HELB: variants seen among roughly 807,000 people sequenced by gnomAD.
HELB encodes DNA helicase B, also known as DNA 5'-3' helicase B.
Under a neutral mutation model 101.7 loss-of-function variants are expected in HELB, and 96 were observed. That is an observed-to-expected ratio of 0.94 (90% confidence interval 0.80 to 1.12). The LOEUF is 1.12. HELB is among the 50% of genes most tolerant of loss of function. HELB has a pLI of 0.00. For missense variants in HELB, 1,210 were observed against 1,291.9 expected (o/e 0.94, Z 0.97); for synonymous variants, 437 against 459.7 (o/e 0.95, Z 0.63).
At chr12:66,337,767 TA>T (rs1256911900) in intron 12 of HELB, among the ~76,000 whole-genome samples, 2 of 152,194 alleles carry the variant, frequency 1.3e-5, no homozygotes, top group African/African-American at 4.8e-5. Flanking sequence ...ACTAATTCAG[TA>T]CATAGTTACT....
chr12:66,302,879 C>G (rs945495192), intron 1 of HELB, 89 bp downstream of exon 1: 67 of 1,162,216 alleles, frequency 5.8e-5, no homozygotes, highest in Non-Finnish European at 7.4e-5. Flanking sequence ...GGCACCCAGT[C>G]GTGCTAACAG....
intron 11 of HELB, among the ~76,000 whole-genome samples, chr12:66,327,135 G>C (rs1223668598): frequency 1.4e-5 from 2 of 146,618 alleles, no homozygotes; most frequent in Non-Finnish European, 3.0e-5. Flanking sequence ...AATGGTTCTT[G>C]CCAGGGGTGG....
intron 8 of HELB, 50 bp downstream of exon 8, chr12:66,322,079 A>C: frequency 9.9e-6 from 7 of 708,218 alleles, no homozygotes; most frequent in Non-Finnish European, 1.7e-5. Flanking sequence ...TTTAAATCTC[A>C]TAACTTATTA....
At chr12:66,313,339 G>T (rs937784207) in intron 4 of HELB, among the ~76,000 whole-genome samples, 2 of 152,126 alleles carry the variant, frequency 1.3e-5, no homozygotes, top group African/African-American at 4.8e-5. Context: ...TTTGGATTTT[G>T]AATTTGCAGA....
At chr12:66,305,482 C>T (rs1327737134) in intron 2 of HELB, among the ~76,000 whole-genome samples, 2 of 152,186 alleles carry the variant, frequency 1.3e-5, no homozygotes, top group African/African-American at 4.8e-5. Context: ...TAGCTGCTCA[C>T]GTCTGTAATC....
intron 12 of HELB, among the ~76,000 whole-genome samples, chr12:66,335,563 C>T (rs567810009): frequency 9.2e-5 from 14 of 152,200 alleles, no homozygotes; most frequent in African/African-American, 2.4e-4. Flanking sequence ...GACTTGTGGT[C>T]AAGGAAAACT....
chr12:66,310,824 G>A (rs889418599), intron 4 of HELB, among the ~76,000 whole-genome samples: 2 of 152,000 alleles, frequency 1.3e-5, no homozygotes, highest in African/African-American at 2.4e-5. Flanking sequence ...CCAGCTACTC[G>A]GGAGGCTGAG....
chr12:66,315,009 A>G, intron 5 of HELB, among the ~76,000 whole-genome samples: 1 of 151,276 alleles, frequency 6.6e-6, no homozygotes, highest in East Asian at 1.9e-4. Flanking sequence ...TTTTTCCCCT[A>G]ATATGTTGAC....
In HELB at chr12:66,331,348, C is replaced by T. The variant is rs1179612908; in HGVS notation, c.2865C>T (p.Leu955=). Residue 955 remains leucine (L), a synonymous_variant, in exon 12 of 13, where the codon CTC becomes CTT. Transcript: ENST00000247815. The part of the protein sequence containing the change: ...TRLKHFLQSK[L]SSSGAPPADF... The stretch of plus-strand genomic sequence containing the variant: ...TGAAACATTTCTTGCAAAGTAAGCT[C>T]TCCTCTAGCGGCGCACCTCCAGCAG... The T allele has an allele frequency of 6.2e-7, 1 of 1,614,204 alleles. No individual in the cohort carries two copies. Among genetic ancestry groups the T allele is most frequent in the Non-Finnish European group, 8.5e-7 (1 of 1,180,036 alleles).
intron 5 of HELB, among the ~76,000 whole-genome samples, chr12:66,315,007 CT>C (rs2053587282): frequency 6.6e-6 from 1 of 150,992 alleles, no homozygotes; most frequent in Non-Finnish European, 1.5e-5. Context: ...TTTTTTTCCC[CT>C]AATATGTTGA....
rs765546598 is a variant in HELB at position 66,310,034 on chromosome 12, A to G, written c.1106A>G (p.Asp369Gly). Residue 369 changes from aspartate to glycine, a missense_variant, in exon 4 of 13, where the codon GAC becomes GGC. Physicochemically the swap from Asp to Gly is moderately conservative, Grantham distance 94. This residue lies in a region of HELB where 470 missense variants were observed against 563.1 expected (regional missense o/e 0.83). Coordinates refer to ENST00000247815, the MANE Select transcript of HELB (RefSeq NM_001370285.1). ...AERAIAFSIC[D>G]LMKKPPWHLC... The stretch of plus-strand genomic sequence containing the variant: ...AGAGCCATCGCCTTTTCAATTTGTG[A>G]CCTGATGAAGAAACCTCCTTGGCAT... The G allele has an allele frequency of 1.9e-6, 3 of 1,614,124 alleles. No individual in the cohort carries two copies. The highest frequency in any genetic ancestry group is 1.7e-6 in the Non-Finnish European group (2 of 1,180,022).
chr12:66,312,779 T>G (rs1186027), intron 4 of HELB, among the ~76,000 whole-genome samples: 151,422 of 152,326 alleles, frequency 0.99, 75,270 homozygotes, highest in Middle Eastern at 1. Context: ...GCCAGATTTA[T>G]CAGATAAAAA....
chr12:66,326,729 T>C (rs1293484473), intron 11 of HELB, among the ~76,000 whole-genome samples: 2 of 151,812 alleles, frequency 1.3e-5, no homozygotes, highest in Non-Finnish European at 2.9e-5. Context: ...AGCTGATTTT[T>C]TTTTTTTAAA....
intron 2 of HELB, among the ~76,000 whole-genome samples, chr12:66,305,925 A>G (rs987698857): frequency 7.9e-5 from 12 of 152,188 alleles, no homozygotes; most frequent in Non-Finnish European, 1.6e-4. Flanking sequence ...AATTGTATCA[A>G]ATAAATTTGA....
At position 66,331,250 on chromosome 12, in the gene HELB, G is replaced by A. The variant is rs753133796; in HGVS notation, c.2767G>A (p.Val923Met). The A allele has an allele frequency of 6.8e-6, 11 of 1,614,242 alleles. No homozygotes were observed. In the East Asian group the frequency reaches 2.2e-4, roughly 33 times the overall value. Residue 923 changes from valine (V) to methionine (M), a missense_variant, in exon 12 of 13, where the codon GTG becomes ATG. Physicochemically the swap from Val to Met is conservative, Grantham distance 21. Transcript: ENST00000247815. ...YTAVTRGRCR[V>M]YVIAEESQLR... ...CGCCGTGACCAGGGGCCGCTGCCGAGTGTATGTGATTGCAGAGGAGTCTCA... is the reference window on the plus strand; with the variant it reads ...CGCCGTGACCAGGGGCCGCTGCCGAATGTATGTGATTGCAGAGGAGTCTCA...
At chr12:66,317,055 AGT>A (rs886397315) in intron 6 of HELB, among the ~76,000 whole-genome samples, 3 of 143,402 alleles carry the variant, frequency 2.1e-5, no homozygotes, top group African/African-American at 7.9e-5. Context: ...ACATTAGCTG[AGT>A]GTGGTGGTGG....
intron 8 of HELB, 88 bp downstream of exon 8, chr12:66,322,117 C>T: frequency 3.4e-6 from 2 of 591,496 alleles, no homozygotes; most frequent in South Asian, 3.5e-5. Context: ...ATGGGAGATT[C>T]CAATATTTCA....
At chr12:66,319,723 G>A (rs2053648995) in intron 7 of HELB, among the ~76,000 whole-genome samples, 1 of 152,042 alleles carries the variant, frequency 6.6e-6, no homozygotes, top group African/African-American at 2.4e-5. Flanking sequence ...CTTTCACTGT[G>A]TATGTGAAAG....
At chr12:66,334,870 G>A (rs1347988239) in intron 12 of HELB, among the ~76,000 whole-genome samples, 1 of 152,192 alleles carries the variant, frequency 6.6e-6, no homozygotes, top group Non-Finnish European at 1.5e-5. Context: ...AAGGGGAAGT[G>A]AGGAGACCAG....
Sources: gnomAD v4.1 joint callset for allele counts (sites outside exome capture counted in the v4.1 genomes callset) on GRCh38, gnomAD v4.1.1 for gene constraint, gnomAD v4.1.1 regional missense constraint, MANE v1.5 for transcripts, NCBI Gene and HGNC (gene_info 2026-07-23, HGNC 2026-07-21) for gene names.